RBFOX3: variants seen among roughly 807,000 people sequenced by gnomAD.
The protein encoded by RBFOX3 is RNA binding protein fox-1 homolog 3.
In RBFOX3, 17 loss-of-function variants were observed where a neutral mutation model predicts 48.7. The observed-to-expected ratio is 0.35, with a 90% CI of 0.24 to 0.52. The LOEUF (loss-of-function observed/expected upper bound fraction) is 0.52, where lower values mean the gene tolerates loss of function less well. Ranked by LOEUF, RBFOX3 falls within the 20% of genes least tolerant of loss-of-function variation. The pLI, the probability that RBFOX3 is intolerant of heterozygous loss-of-function variation, is 0.94. For missense variants in RBFOX3, 382 were observed against 497.5 expected (o/e 0.77, Z 2.21); for synonymous variants, 212 against 209.5 (o/e 1.01, Z -0.10).
At chr17:79,487,870 C>G (rs936851029) in intron 1 of RBFOX3, among the ~76,000 whole-genome samples, 25 of 145,702 alleles carry the variant, frequency 1.7e-4, no homozygotes, top group Non-Finnish European at 4.5e-5. Context: ...CGAGATCGCT[C>G]CACTGCACTC....
chr17:79,308,550 G>C (rs1429225133), intron 2 of RBFOX3, among the ~76,000 whole-genome samples: 1 of 152,192 alleles, frequency 6.6e-6, no homozygotes, highest in East Asian at 1.9e-4. Flanking sequence ...CTGCCGATCT[G>C]TGTTGGCTGT....
chr17:79,387,346 A>T (rs1047624803), intron 2 of RBFOX3, among the ~76,000 whole-genome samples: 1 of 152,242 alleles, frequency 6.6e-6, no homozygotes, highest in Non-Finnish European at 1.5e-5. Flanking sequence ...CGGTCCTATT[A>T]TTCTAACAAC....
At chr17:79,101,760 C>T in intron 8 of RBFOX3, 116 bp from the exon 9 acceptor site, 1 of 892,506 alleles carries the variant, frequency 1.1e-6, no homozygotes, top group South Asian at 1.4e-5. Context: ...CCCCAGCCTC[C>T]TCTCTCCACC....
chr17:79,483,164 A>C (rs1172236920), intron 1 of RBFOX3, among the ~76,000 whole-genome samples: 1 of 152,062 alleles, frequency 6.6e-6, no homozygotes, highest in East Asian at 1.9e-4. Context: ...AGCCAGGTGA[A>C]TCTGGCTTCT....
intron 1 of RBFOX3, among the ~76,000 whole-genome samples, chr17:79,576,408 A>G (rs1156289322): frequency 6.6e-6 from 1 of 152,130 alleles, no homozygotes; most frequent in African/African-American, 2.4e-5. Flanking sequence ...CATGAAAATC[A>G]TGGAGAAGAT....
intron 14 of RBFOX3, chr17:79,092,538 G>A: frequency 2.0e-6 from 2 of 977,552 alleles, no homozygotes; most frequent in East Asian, 1.2e-4. Flanking sequence ...GTTTTGGGCT[G>A]TTGGGTTTGG....
rs192036428 is a variant in RBFOX3, at chr17:79,261,146, G to A, written c.-73-25341C>T. On this transcript the variant is annotated intron_variant, in intron 3 of 14. Coordinates refer to ENST00000693108, the MANE Select transcript of RBFOX3 (RefSeq NM_001350451.2). ...TCCCACCCCACGGCGTTCGCTCCTC[G>A]AGCCCCCTACAAACATACTCATCTG... Among the ~76,000 whole-genome samples, 12 of 151,678 alleles carry A rather than the reference G, an allele frequency of 7.9e-5. No homozygotes were observed. In the East Asian group the frequency reaches 9.7e-4, roughly 12 times the overall value.
intron 3 of RBFOX3, among the ~76,000 whole-genome samples, chr17:79,293,740 A>T (rs1463913909): frequency 6.6e-6 from 1 of 152,158 alleles, no homozygotes; most frequent in Non-Finnish European, 1.5e-5. Context: ...GGCATGAGCC[A>T]CTTGCCCAGC....
At chr17:79,101,794 T>C in intron 8 of RBFOX3, 150 bp from the exon 9 acceptor site, 1 of 751,860 alleles carries the variant, frequency 1.3e-6, no homozygotes, top group Non-Finnish European at 2.3e-6. Context: ...TCCGGGAGCC[T>C]TGGCCCCCAC....
chr17:79,383,402 T>C (rs1269353810), intron 2 of RBFOX3, among the ~76,000 whole-genome samples: 1 of 152,250 alleles, frequency 6.6e-6, no homozygotes, highest in Non-Finnish European at 1.5e-5. Flanking sequence ...GTAAAAGTAG[T>C]TAACTGTATC....
chr17:79,342,903 T>A (rs999805069), intron 2 of RBFOX3, among the ~76,000 whole-genome samples: 2 of 152,126 alleles, frequency 1.3e-5, no homozygotes, highest in African/African-American at 4.8e-5. Context: ...TGGATTACTT[T>A]ACATGACTTT....
At chr17:79,274,538 C>T (rs1344669542) in intron 3 of RBFOX3, among the ~76,000 whole-genome samples, 2 of 152,096 alleles carry the variant, frequency 1.3e-5, no homozygotes, top group Non-Finnish European at 2.9e-5. Context: ...GCTGGTCCGA[C>T]CTCTGTCCTC....
chr17:79,119,742 A>G (rs746760043), intron 4 of RBFOX3, among the ~76,000 whole-genome samples: 6 of 152,148 alleles, frequency 3.9e-5, no homozygotes, highest in Non-Finnish European at 8.8e-5. Context: ...GTGACAAGCA[A>G]TATCCCTGCC....
chr17:79,405,803 C>T (rs1248354909), intron 2 of RBFOX3, among the ~76,000 whole-genome samples: 3 of 152,240 alleles, frequency 2.0e-5, no homozygotes, highest in African/African-American at 7.2e-5. Context: ...TGCCAAGATG[C>T]AGACCATGCC....
At chr17:79,634,993 G>A in the RBFOX3 span, among the ~76,000 whole-genome samples, 1,519 of 131,290 alleles carry the variant, frequency 0.012, 25 homozygotes, top group African/African-American at 0.041. Flanking sequence ...CCAGGAGGCA[G>A]AGGTTGCAGC....
At chr17:79,178,075 G>A (rs776902524) in intron 4 of RBFOX3, among the ~76,000 whole-genome samples, 29 of 152,276 alleles carry the variant, frequency 1.9e-4, no homozygotes, top group Non-Finnish European at 3.4e-4. Context: ...TCTGTGTCCA[G>A]GGCCGGAGCT....
intron 1 of RBFOX3, among the ~76,000 whole-genome samples, chr17:79,551,661 ACCT>A (rs2091173053): frequency 6.6e-6 from 1 of 151,954 alleles, no homozygotes; most frequent in African/African-American, 2.4e-5. Flanking sequence ...CTTGGTGCCA[ACCT>A]CCTGGTAACA....
At chr17:79,381,079 G>A (rs988382778) in intron 2 of RBFOX3, among the ~76,000 whole-genome samples, 1 of 152,108 alleles carries the variant, frequency 6.6e-6, no homozygotes, top group Non-Finnish European at 1.5e-5. Context: ...AACTAACACG[G>A]TGAAACCCCG....
chr17:79,516,670 G>C (rs1402020167), intron 1 of RBFOX3, among the ~76,000 whole-genome samples: 1 of 152,230 alleles, frequency 6.6e-6, no homozygotes, highest in African/African-American at 2.4e-5. Flanking sequence ...GAGAAGCTAG[G>C]AGCAGCGAGA....
Sources: allele counts gnomAD v4.1 joint callset (sites outside exome capture counted in the v4.1 genomes callset), GRCh38; gene constraint gnomAD v4.1.1; transcripts MANE v1.5; gene names NCBI Gene and HGNC (gene_info 2026-07-23, HGNC 2026-07-21).